The following ZFYVE28 variants were observed in gnomAD, a reference collection of about 807,000 sequenced individuals.
ZFYVE28 encodes lateral signaling target protein 2 homolog.
Under a neutral mutation model 82.1 loss-of-function variants are expected in ZFYVE28, and 40 were observed. That is an observed-to-expected ratio of 0.49 (90% confidence interval 0.38 to 0.63). ZFYVE28 has a LOEUF of 0.63. Ranked by LOEUF, ZFYVE28 falls within the 30% of genes least tolerant of loss-of-function variation. ZFYVE28 has a pLI of 0.00. For missense variants in ZFYVE28, 1,321 were observed against 1,242.1 expected (o/e 1.06, Z -0.96); for synonymous variants, 612 against 546.1 (o/e 1.12, Z -1.68).
At chr4:2,308,683 G>GAAAGGGAAAGAAAGA (rs1717028161) in intron 7 of ZFYVE28, among the ~76,000 whole-genome samples, 2 of 81,442 alleles carry the variant, frequency 2.5e-5, no homozygotes, top group African/African-American at 5.0e-5. Context: ...GAAAGAGAAA[G>GAAAGGGAAAGAAAGA]AAAGAAAAGA....
chr4:2,281,287 G>C (rs533263062), intron 8 of ZFYVE28, among the ~76,000 whole-genome samples: 1 of 152,286 alleles, frequency 6.6e-6, no homozygotes, highest in South Asian at 2.1e-4. Context: ...TTCACCGAGA[G>C]CATGAGCCTG....
intron 1 of ZFYVE28, among the ~76,000 whole-genome samples, chr4:2,357,673 C>T (rs1022950520): frequency 5.3e-5 from 8 of 152,200 alleles, no homozygotes; most frequent in Non-Finnish European, 7.3e-5. Flanking sequence ...TCCCTCTCCA[C>T]GTGTGTCCCG....
In ZFYVE28 at chr4:2,308,675, A is replaced by AAGAAAGAAAGAAAGAAAGAG. The variant is rs1200372952; in HGVS notation, c.804-3140_804-3139insCTCTTTCTTTCTTTCTTTCT. On this transcript the variant is annotated intron_variant, in intron 7 of 12. Coordinates refer to ENST00000290974, the MANE Select transcript of ZFYVE28 (RefSeq NM_020972.3). ...AAAGAAAGAAAGAAAGAAAGAAAGA[A>AAGAAAGAAAGAAAGAAAGAG]AGAGAAAGAAAGAAAAGAAAAGAAA... Among the ~76,000 whole-genome samples, 91 of 93,204 alleles carry AAGAAAGAAAGAAAGAAAGAG rather than the reference A, an allele frequency of 9.8e-4. 1 individual carries two copies. Among genetic ancestry groups the AAGAAAGAAAGAAAGAAAGAG allele is most frequent in the African/African-American group, 3.6e-3 (85 of 23,830 alleles). 61.1% of individuals were successfully genotyped at this position (93,204 alleles called of 152,430 possible).
chr4:2,284,313 C>T (rs138546783), intron 8 of ZFYVE28, among the ~76,000 whole-genome samples: 13 of 152,286 alleles, frequency 8.5e-5, no homozygotes, highest in South Asian at 2.1e-4. Context: ...CCTCAAGCTC[C>T]GGGCCCCACA....
intron 1 of ZFYVE28, among the ~76,000 whole-genome samples, chr4:2,357,318 C>T (rs1161648167): frequency 6.6e-6 from 1 of 152,162 alleles, no homozygotes; most frequent in Admixed American, 6.5e-5. Context: ...CTGCCAATGC[C>T]CCTCCTCGCT....
chr4:2,377,130 T>C (rs558574987), intron 1 of ZFYVE28, among the ~76,000 whole-genome samples: 314 of 151,956 alleles, frequency 2.1e-3, no homozygotes, highest in African/African-American at 6.4e-3. Flanking sequence ...CACGCCATTC[T>C]CCTGCCTCAG....
intron 8 of ZFYVE28, among the ~76,000 whole-genome samples, chr4:2,301,993 C>T (rs1250307291): frequency 6.6e-6 from 1 of 152,218 alleles, no homozygotes; most frequent in Non-Finnish European, 1.5e-5. Context: ...CGAGTGCACG[C>T]CAGGCCAGCC....
chr4:2,317,922 C>T (rs1487602538), intron 7 of ZFYVE28, among the ~76,000 whole-genome samples: 2 of 152,168 alleles, frequency 1.3e-5, no homozygotes, highest in African/African-American at 2.4e-5. Flanking sequence ...CATGAGCCAC[C>T]GCGCCGGCCT....
intron 8 of ZFYVE28, among the ~76,000 whole-genome samples, chr4:2,279,747 C>G (rs973686498): frequency 1.5e-4 from 22 of 151,252 alleles, no homozygotes; most frequent in East Asian, 3.9e-4. Flanking sequence ...TGCCACTGCA[C>G]TCCAGCCTGA....
Position 2,418,632 on chromosome 4 carries a change from G to A in ZFYVE28, c.-309C>T, listed in dbSNP as rs533149450. 3,102 of 149,910 alleles carry A rather than the reference G, an allele frequency of 0.021. 85 individuals carry two copies. Among genetic ancestry groups the A allele is most frequent in the African/African-American group, 0.066 (2,695 of 41,140 alleles). The allele number at this position is 149,910 out of a possible 1,614,324, so 9.3% of individuals were successfully genotyped here. Reference sequence around the variant, plus strand: ...TCCTCGCTGCTCACTGACACCCAGCGCTCCGCTGGTCACGGCCGCCCCGCG... The same window carrying A: ...TCCTCGCTGCTCACTGACACCCAGCACTCCGCTGGTCACGGCCGCCCCGCG... On this transcript the variant is annotated 5_prime_UTR_variant, in exon 1 of 13. Transcript: ENST00000290974. This position sits in a 1 kb window ranked among gnomAD's most constrained non-coding sequence, Gnocchi z 4.6.
chr4:2,283,365 A>G (rs868609011), intron 8 of ZFYVE28, among the ~76,000 whole-genome samples: 16 of 134,180 alleles, frequency 1.2e-4, no homozygotes, highest in Admixed American at 1.5e-4. Context: ...CCATCCATCC[A>G]TCCATCCAAT....
chr4:2,355,482 A>G (rs1011426481), intron 1 of ZFYVE28, among the ~76,000 whole-genome samples: 1 of 149,388 alleles, frequency 6.7e-6, no homozygotes, highest in African/African-American at 2.5e-5. Flanking sequence ...GGGTTTTACT[A>G]TGTTGGCCAG....
chr4:2,379,783 T>A (rs914014092), intron 1 of ZFYVE28, among the ~76,000 whole-genome samples: 1 of 152,080 alleles, frequency 6.6e-6, no homozygotes, highest in East Asian at 1.9e-4. Flanking sequence ...TTTAAATTTT[T>A]AAATTTTCAC....
At position 2,362,803 on chromosome 4, in the gene ZFYVE28, G is replaced by A. The variant is rs1162284146; in HGVS notation, c.40-8730C>T. On this transcript the variant is annotated intron_variant, in intron 1 of 12. Coordinates refer to ENST00000290974, the MANE Select transcript of ZFYVE28 (RefSeq NM_020972.3). The surrounding 1 kb of genome is among the most constrained non-coding windows in gnomAD (Gnocchi z 5.1). ...TCCCCTTTCTCTGCCCTCCTCTGGG[G>A]TCAGGGAGCTGCAGTGGGCACGCTG... 6.6e-6 allele frequency among the ~76,000 whole-genome samples: 1 copy of A among 152,118 alleles called. No homozygotes were observed. Among genetic ancestry groups the A allele is most frequent in the Non-Finnish European group, 1.5e-5 (1 of 67,996 alleles).
intron 1 of ZFYVE28, among the ~76,000 whole-genome samples, chr4:2,376,369 T>G (rs1728136479): frequency 2.1e-5 from 1 of 47,664 alleles, no homozygotes; most frequent in Non-Finnish European, 3.8e-5. Context: ...AGACCCTATC[T>G]CTAAAAAAAA....
rs139325264 is a variant in ZFYVE28, at chr4:2,372,560, G to A, written c.40-18487C>T. 1.3e-5 allele frequency among the ~76,000 whole-genome samples: 2 copies of A among 152,188 alleles called. No individual in the cohort carries two copies. The highest frequency in any genetic ancestry group is 4.8e-5 in the African/African-American group (2 of 41,544). ...CATGCCCTATCACCCCATCATGTGGGAGGGGTACACAGAGGTGCGGGCAGG... is the reference window on the plus strand; with the variant it reads ...CATGCCCTATCACCCCATCATGTGGAAGGGGTACACAGAGGTGCGGGCAGG... On this transcript the variant is annotated intron_variant, in intron 1 of 12. Coordinates refer to ENST00000290974, the MANE Select transcript of ZFYVE28 (RefSeq NM_020972.3). The surrounding 1 kb of genome is among the most constrained non-coding windows in gnomAD (Gnocchi z 5.2).
At chr4:2,368,117 G>T (rs1470646047) in intron 1 of ZFYVE28, among the ~76,000 whole-genome samples, 1 of 148,260 alleles carries the variant, frequency 6.7e-6, no homozygotes, top group Non-Finnish European at 1.5e-5. Flanking sequence ...GGCCAGGCAC[G>T]ATGGCACTTT....
intron 2 of ZFYVE28, among the ~76,000 whole-genome samples, chr4:2,349,620 A>G (rs1333685401): frequency 6.6e-6 from 1 of 152,204 alleles, no homozygotes; most frequent in Non-Finnish European, 1.5e-5. Flanking sequence ...ACTGGGATGT[A>G]CTGGTGAGTG....
chr4:2,354,152 C>A, intron 1 of ZFYVE28, 79 bp from the exon 2 acceptor site: 1 of 1,372,178 alleles, frequency 7.3e-7, no homozygotes, highest in Non-Finnish European at 9.5e-7. Flanking sequence ...TGTCCCCAGG[C>A]CATGTGTGGG....
Sources: gnomAD v4.1 joint callset for allele counts (sites outside exome capture counted in the v4.1 genomes callset) on GRCh38, gnomAD v4.1.1 for gene constraint, Gnocchi (gnomAD v3.1) non-coding constraint, MANE v1.5 for transcripts, NCBI Gene and HGNC (gene_info 2026-07-23, HGNC 2026-07-21) for gene names.